Variants in RASA2 observed in about 807,000 individuals in gnomAD.
The protein encoded by RASA2 is ras GTPase-activating protein 2.
Under a neutral mutation model 118.2 loss-of-function variants are expected in RASA2, and 155 were observed. That is an observed-to-expected ratio of 1.31 (90% CI 1.15 to 1.50). The LOEUF (loss-of-function observed/expected upper bound fraction) is 1.50. Among genes scored for constraint, RASA2 ranks in the 40% most tolerant of loss-of-function variants. RASA2 has a pLI of 0.00. For missense variants in RASA2, 1,016 were observed against 1,009.6 expected (o/e 1.01, Z -0.09); for synonymous variants, 353 against 349.1 (o/e 1.01, Z -0.12).
At chr3:141,558,989 T>C (rs777833346) in intron 8 of RASA2, 27 bp downstream of exon 8, 22 of 1,535,534 alleles carry the variant, frequency 1.4e-5, no homozygotes, top group Non-Finnish European at 1.5e-5. Flanking sequence ...TTTACAGAAT[T>C]GCTTTTTTGT....
intron 6 of RASA2, among the ~76,000 whole-genome samples, chr3:141,555,129 C>T (rs577651980): frequency 1.3e-5 from 2 of 152,232 alleles, no homozygotes; most frequent in South Asian, 2.1e-4. Context: ...GGTGTGGTGG[C>T]TCATGCCTGT....
rs185346553 is a variant in RASA2 at position 141,514,842 on chromosome 3, A to G, written c.252-1486A>G. ...ATGCAGCAATTAAAACAGTTGAACT[A>G]CTATGTACACAACAACATCGAAAAA... On this transcript the variant is annotated intron_variant, in intron 2 of 23. Transcript: ENST00000286364. Among the ~76,000 whole-genome samples the G allele has an allele frequency of 2.6e-5, 4 of 152,382 alleles. No homozygotes were observed. In the East Asian group the frequency reaches 5.8e-4, roughly 22 times the overall value.
rs138871325 is a variant in RASA2, at chr3:141,598,097, T to C, written c.1934-9581T>C. ...GAATGCCAGGCTTAAATAGCTTTAC[T>C]GGTAAAGTCGGCCAAACACTTAAGG... is the stretch of plus-strand genomic sequence containing the variant. On this transcript the variant is annotated intron_variant, in intron 19 of 23. Transcript: ENST00000286364. Among the ~76,000 whole-genome samples, 26 of 152,304 alleles carry C rather than the reference T, an allele frequency of 1.7e-4. No homozygotes were observed. The East Asian group carries it at 4.6e-3, about 27-fold the overall frequency.
chr3:141,571,317 T>G, intron 10 of RASA2, 89 bp from the exon 11 acceptor site: 1 of 1,491,486 alleles, frequency 6.7e-7, no homozygotes, highest in South Asian at 1.3e-5. Context: ...TTTAGTGACA[T>G]TATTTCAGTT....
At position 141,612,479 on chromosome 3, in the gene RASA2, T is replaced by A; in HGVS notation, c.*166T>A. ...ATAATTGAAATTAATTGTTTGGGAA[T>A]CCTGGTATTGATGTATTACTAGAGA... is the stretch of plus-strand genomic sequence containing the variant. On this transcript the variant is annotated 3_prime_UTR_variant, in exon 24 of 24. Transcript: ENST00000286364. 1 of 571,598 alleles carries A rather than the reference T, an allele frequency of 1.7e-6. No individual in the cohort carries two copies. Among genetic ancestry groups the A allele is most frequent in the South Asian group, 2.7e-5 (1 of 36,938 alleles). 35.4% of individuals were successfully genotyped at this position (571,598 alleles called of 1,614,324 possible). A position where few individuals can be genotyped will look rare whatever the true frequency, so the allele number is the denominator to read the frequency against.
chr3:141,600,519 A>G (rs900937863), intron 19 of RASA2: 7 of 310,392 alleles, frequency 2.3e-5, no homozygotes, highest in Admixed American at 4.1e-5. Context: ...TGGCCATGTC[A>G]TCGTAGTGCT....
intron 9 of RASA2, among the ~76,000 whole-genome samples, chr3:141,562,664 C>A (rs115624347): frequency 0.013 from 1,915 of 145,942 alleles, 40 homozygotes; most frequent in African/African-American, 0.044. Flanking sequence ...CAAAAAAAAA[C>A]CAGAAATAAC....
chr3:141,566,495 A>G (rs190821846), intron 9 of RASA2, among the ~76,000 whole-genome samples: 112 of 152,352 alleles, frequency 7.4e-4, no homozygotes, highest in African/African-American at 2.6e-3. Context: ...AAGAGACTTA[A>G]GAATGCTATT....
chr3:141,568,199 C>T (rs937467236), intron 9 of RASA2, among the ~76,000 whole-genome samples: 30 of 151,880 alleles, frequency 2.0e-4, no homozygotes, highest in African/African-American at 5.8e-4. Flanking sequence ...ATTATGTACC[C>T]GTTAAAAAGA....
chr3:141,573,903 G>T, intron 13 of RASA2, 41 bp from the exon 14 acceptor site: 1 of 1,532,622 alleles, frequency 6.5e-7, no homozygotes, highest in South Asian at 1.2e-5. Context: ...GAAGATGTGT[G>T]AACATCAAAA....
intron 5 of RASA2, among the ~76,000 whole-genome samples, chr3:141,548,727 G>GA (rs2151109530): frequency 6.6e-6 from 1 of 152,258 alleles, no homozygotes; most frequent in Admixed American, 6.5e-5. Context: ...TCCAGACCTA[G>GA]AAAGTCCCCA....
chr3:141,506,157 A>C (rs1391410216), intron 1 of RASA2, among the ~76,000 whole-genome samples: 1 of 152,264 alleles, frequency 6.6e-6, no homozygotes, highest in Admixed American at 6.5e-5. Context: ...ATGAATCAAC[A>C]AGAAAAGATG....
intron 12 of RASA2, 28 bp downstream of exon 12, chr3:141,572,751 G>C: frequency 6.8e-7 from 1 of 1,470,224 alleles, no homozygotes. Flanking sequence ...AACAATGATA[G>C]TTTGTGGCCT....
intron 1 of RASA2, among the ~76,000 whole-genome samples, chr3:141,507,240 G>A (rs2081883036): frequency 6.6e-6 from 1 of 152,176 alleles, no homozygotes; most frequent in Non-Finnish European, 1.5e-5. Flanking sequence ...ACCCAACCAT[G>A]ATGACCAGTA....
chr3:141,579,199 A>G (rs1280123330), intron 15 of RASA2, among the ~76,000 whole-genome samples: 1 of 152,176 alleles, frequency 6.6e-6, no homozygotes, highest in Non-Finnish European at 1.5e-5. Context: ...TTTTCTGGAT[A>G]TGTTTTTAGA....
At chr3:141,534,307 G>A (rs1219635594) in intron 4 of RASA2, among the ~76,000 whole-genome samples, 6 of 152,172 alleles carry the variant, frequency 3.9e-5, no homozygotes, top group African/African-American at 1.4e-4. Context: ...GGTTGAGGCA[G>A]ACAGATTGCT....
intron 5 of RASA2, among the ~76,000 whole-genome samples, chr3:141,546,598 C>T (rs2082489506): frequency 6.6e-6 from 1 of 152,156 alleles, no homozygotes; most frequent in East Asian, 1.9e-4. Flanking sequence ...TTAATCCGTT[C>T]TCAGATGGTT....
At chr3:141,517,896 C>T (rs1028484080) in intron 3 of RASA2, among the ~76,000 whole-genome samples, 2 of 151,934 alleles carry the variant, frequency 1.3e-5, no homozygotes, top group South Asian at 2.1e-4. Context: ...ACCTCGTGAT[C>T]TGCCCACCTC....
intron 19 of RASA2, among the ~76,000 whole-genome samples, chr3:141,602,856 C>A (rs774846576): frequency 6.6e-6 from 1 of 152,168 alleles, no homozygotes; most frequent in Non-Finnish European, 1.5e-5. Flanking sequence ...TCAGTTTTTG[C>A]CAGACTCTGG....
Sources: allele counts gnomAD v4.1 joint callset (sites outside exome capture counted in the v4.1 genomes callset), GRCh38; gene constraint gnomAD v4.1.1; transcripts MANE v1.5; gene names NCBI Gene and HGNC (gene_info 2026-07-23, HGNC 2026-07-21).